The following MYRIP variants were observed in gnomAD, a reference collection of about 807,000 sequenced individuals.
MYRIP encodes the protein myosin VIIA and Rab interacting protein, also known as rab effector MyRIP.
A neutral mutation model predicts 98.0 loss-of-function variants in MYRIP; 49 were observed. The observed-to-expected ratio is 0.50, with a 90% CI of 0.40 to 0.63. The LOEUF (loss-of-function observed/expected upper bound fraction) is 0.63, where lower values mean the gene tolerates loss of function less well. Ranked by LOEUF, MYRIP falls within the 30% of genes least tolerant of loss-of-function variation. MYRIP has a pLI of 0.00. For missense variants in MYRIP, 1,004 were observed against 1,058.2 expected (o/e 0.95, Z 0.71); for synonymous variants, 404 against 409.5 (o/e 0.99, Z 0.16).
At chr3:39,918,362 G>A (rs1008667002) in intron 2 of MYRIP, among the ~76,000 whole-genome samples, 2 of 152,176 alleles carry the variant, frequency 1.3e-5, no homozygotes, top group African/African-American at 2.4e-5. Flanking sequence ...CTTAGCCTCT[G>A]CCAGAGGACC....
intron 1 of MYRIP, among the ~76,000 whole-genome samples, chr3:39,870,682 C>G (rs897411156): frequency 6.6e-6 from 1 of 152,118 alleles, no homozygotes; most frequent in African/African-American, 2.4e-5. Flanking sequence ...ATTTAAATTT[C>G]TAGATTAAAA....
intron 3 of MYRIP, among the ~76,000 whole-genome samples, chr3:40,059,472 A>T (rs1408667286): frequency 1.3e-5 from 2 of 152,132 alleles, no homozygotes; most frequent in East Asian, 3.9e-4. Context: ...AATGATCACC[A>T]TTCTAACTGG....
intron 1 of MYRIP, among the ~76,000 whole-genome samples, chr3:39,893,827 C>G (rs1432337836): frequency 1.3e-5 from 2 of 152,032 alleles, no homozygotes; most frequent in Non-Finnish European, 2.9e-5. Context: ...GCTGTATCCA[C>G]TTCATAGCAG....
intron 1 of MYRIP, among the ~76,000 whole-genome samples, chr3:39,882,204 T>C (rs1325474999): frequency 6.6e-6 from 1 of 152,120 alleles, no homozygotes; most frequent in Non-Finnish European, 1.5e-5. Flanking sequence ...CATGGGTTTA[T>C]GATCATGAAA....
chr3:40,096,944 CT>C (rs542196542), intron 3 of MYRIP, among the ~76,000 whole-genome samples: 7 of 152,310 alleles, frequency 4.6e-5, no homozygotes, highest in Non-Finnish European at 1.0e-4. Flanking sequence ...GCCCATCGTC[CT>C]AACTCCTCAC....
At chr3:40,046,427 T>C (rs931086537) in intron 3 of MYRIP, among the ~76,000 whole-genome samples, 11 of 151,570 alleles carry the variant, frequency 7.3e-5, no homozygotes, top group Non-Finnish European at 1.3e-4. Context: ...AGCACATGAA[T>C]CTTTGTGACC....
intron 2 of MYRIP, among the ~76,000 whole-genome samples, chr3:40,033,299 A>C (rs1481649721): frequency 6.6e-6 from 1 of 151,402 alleles, no homozygotes; most frequent in Non-Finnish European, 1.5e-5. Flanking sequence ...TGCAGACGAC[A>C]TGATTGTATA....
intron 10 of MYRIP, among the ~76,000 whole-genome samples, chr3:40,200,131 T>TTTTTTTTTTTTTTTTGAG (rs1553626079): frequency 2.0e-5 from 3 of 149,660 alleles, no homozygotes; most frequent in Admixed American, 6.8e-5. Context: ...ATTTTCTTTT[T>TTTTTTTTTTTTTTTTGAG]ATCATAGGCC....
intron 3 of MYRIP, among the ~76,000 whole-genome samples, chr3:40,121,408 T>C (rs1030802750): frequency 6.6e-6 from 1 of 152,114 alleles, no homozygotes; most frequent in East Asian, 1.9e-4. Context: ...TTGACAAACA[T>C]TTAAGGCAAG....
intron 1 of MYRIP, among the ~76,000 whole-genome samples, chr3:39,879,460 G>A (rs1943105396): frequency 6.6e-6 from 1 of 151,852 alleles, no homozygotes; most frequent in Non-Finnish European, 1.5e-5. Flanking sequence ...AGAGACTCTG[G>A]TTTCTGTAGT....
At chr3:39,845,016 C>T (rs1405713253) in intron 1 of MYRIP, among the ~76,000 whole-genome samples, 1 of 152,174 alleles carries the variant, frequency 6.6e-6, no homozygotes, top group Non-Finnish European at 1.5e-5. Flanking sequence ...GCAGGATACT[C>T]ATATGTGCTG....
intron 3 of MYRIP, among the ~76,000 whole-genome samples, chr3:40,145,179 G>A (rs1181407035): frequency 6.6e-6 from 1 of 152,140 alleles, no homozygotes; most frequent in Non-Finnish European, 1.5e-5. Context: ...GCCAGGGTCT[G>A]GGCCACTTCC....
At chr3:40,078,347 A>C (rs1407642602) in intron 3 of MYRIP, among the ~76,000 whole-genome samples, 5 of 152,156 alleles carry the variant, frequency 3.3e-5, no homozygotes, top group Non-Finnish European at 7.4e-5. Context: ...GGCCTTGGCC[A>C]GCCCAGAAAG....
In MYRIP at chr3:40,258,249, A is replaced by G. The variant is rs1953663804; in HGVS notation, c.*83A>G. 2 of 1,528,712 alleles carry G rather than the reference A, an allele frequency of 1.3e-6. No individual in the cohort carries two copies. Among genetic ancestry groups the G allele is most frequent in the Non-Finnish European group, 1.8e-6 (2 of 1,103,314 alleles). The allele number at this position is 1,528,712 out of a possible 1,614,324, so 94.7% of individuals were successfully genotyped here. A position where few individuals can be genotyped will look rare whatever the true frequency, so the allele number is the denominator to read the frequency against. The stretch of plus-strand genomic sequence containing the variant: ...TGACCCAACAGCCATCGAGTACTGT[A>G]TGTATTTCCACCTGAGGAGAAGGCC... On this transcript the variant is annotated 3_prime_UTR_variant, in exon 17 of 17. Coordinates refer to ENST00000302541, the MANE Select transcript of MYRIP (RefSeq NM_015460.4).
chr3:39,998,509 C>G (rs1193414458), intron 2 of MYRIP, among the ~76,000 whole-genome samples: 1 of 152,188 alleles, frequency 6.6e-6, no homozygotes, highest in Admixed American at 6.5e-5. Context: ...CTACAAACCA[C>G]TGCTCAATGA....
intron 2 of MYRIP, among the ~76,000 whole-genome samples, chr3:39,998,505 A>C (rs534007238): frequency 6.6e-6 from 1 of 152,288 alleles, no homozygotes; most frequent in South Asian, 2.1e-4. Context: ...AGAACTACAA[A>C]CCACTGCTCA....
chr3:39,822,894 T>G lies in MYRIP; in HGVS notation c.-31+12978T>G, dbSNP rs79639695. On this transcript the variant is annotated intron_variant, in intron 1 of 16. Coordinates refer to ENST00000302541, the MANE Select transcript of MYRIP (RefSeq NM_015460.4). ...TTTTTTTTTTTTTATGGCTGAATAG[T>G]ATTTCCTGGTGTATATATACACCTC... Among the ~76,000 whole-genome samples the G allele has an allele frequency of 5.3e-5, 8 of 151,508 alleles. No homozygotes were observed. In the East Asian group the frequency reaches 1.6e-3, roughly 29 times the overall value.
At chr3:39,931,557 A>G (rs1315363987) in intron 2 of MYRIP, among the ~76,000 whole-genome samples, 1 of 151,962 alleles carries the variant, frequency 6.6e-6, no homozygotes, top group Non-Finnish European at 1.5e-5. Context: ...AATACTGAAT[A>G]GAAGTGATGA....
intron 9 of MYRIP, among the ~76,000 whole-genome samples, chr3:40,183,324 G>A (rs1429308905): frequency 6.6e-6 from 1 of 152,186 alleles, no homozygotes; most frequent in Admixed American, 6.5e-5. Context: ...AGGCATTGAT[G>A]TTTGCTTGCA....
Sources: allele counts gnomAD v4.1 joint callset (sites outside exome capture counted in the v4.1 genomes callset), GRCh38; gene constraint gnomAD v4.1.1; transcripts MANE v1.5; gene names NCBI Gene and HGNC (gene_info 2026-07-23, HGNC 2026-07-21).